The following ZNF536 variants were observed in gnomAD, a reference collection of about 807,000 sequenced individuals.
ZNF536 encodes the protein zinc finger protein 536.
Under a neutral mutation model 84.5 loss-of-function variants are expected in ZNF536, and 13 were observed. The ratio of observed to expected loss-of-function variants is 0.15; its 90% CI spans 0.10 to 0.24. The LOEUF is 0.24. ZNF536 is among the 10% of genes least tolerant of loss of function. ZNF536 has a pLI of 1.00. For synonymous variants in ZNF536, 811 were observed against 742.5 expected, an observed-to-expected ratio of 1.09 and a Z score of -1.50; for missense variants, 1,536 against 1,747.5, an observed-to-expected ratio of 0.88 and a Z score of 2.16.
chr19:30,306,338 A>G (rs1465524957), intron 2 of ZNF536, among the ~76,000 whole-genome samples: 2 of 151,624 alleles, frequency 1.3e-5, no homozygotes, highest in South Asian at 2.1e-4. Context: ...CTGTCACCCT[A>G]TTTCCTGGCT....
intron 1 of ZNF536, among the ~76,000 whole-genome samples, chr19:30,693,062 G>A (rs1415891327): frequency 6.6e-6 from 1 of 151,844 alleles, no homozygotes; most frequent in African/African-American, 2.4e-5. Flanking sequence ...GTGTGTATAC[G>A]TGTGCAGCGT....
chr19:30,579,220 C>T (rs1051884389), intron 1 of ZNF536, among the ~76,000 whole-genome samples: 3 of 152,174 alleles, frequency 2.0e-5, no homozygotes, highest in Admixed American at 1.3e-4. Flanking sequence ...TGCACCTGAT[C>T]GAATGACTAA....
intron 3 of ZNF536, among the ~76,000 whole-genome samples, chr19:30,545,272 C>G (rs111773277): frequency 0.015 from 2,236 of 152,214 alleles, 54 homozygotes; most frequent in African/African-American, 0.052. Context: ...GCGCCGACCC[C>G]AGACCCAGGG....
At chr19:30,439,593 C>A (rs1189126434) in intron 1 of ZNF536, among the ~76,000 whole-genome samples, 3 of 152,154 alleles carry the variant, frequency 2.0e-5, no homozygotes, top group African/African-American at 4.8e-5. Flanking sequence ...CCCATTGCAG[C>A]GGCCTCGGCT....
At chr19:30,682,776 C>A (rs1272139898) in intron 1 of ZNF536, among the ~76,000 whole-genome samples, 1 of 152,154 alleles carries the variant, frequency 6.6e-6, no homozygotes, top group African/African-American at 2.4e-5. Context: ...CCAGGCAGCA[C>A]CTCTGGCCCC....
intron 4 of ZNF536, among the ~76,000 whole-genome samples, chr19:30,552,993 C>T (rs1265232993): frequency 6.6e-6 from 1 of 152,202 alleles, no homozygotes; most frequent in Non-Finnish European, 1.5e-5. Context: ...TATAGGAAAT[C>T]CCACTCCAAT....
intron 1 of ZNF536, among the ~76,000 whole-genome samples, chr19:30,622,805 T>C (rs1311060919): frequency 2.0e-5 from 3 of 152,054 alleles, no homozygotes; most frequent in Non-Finnish European, 4.4e-5. Flanking sequence ...CCTGACAGAC[T>C]CACCACCTGC....
Position 30,547,931 on chromosome 19 carries a change from A to G in ZNF536, c.2324-12A>G. ...AAACGCCTCTTTTTTTTCTTATATC[A>G]AAATCTTGCAGGTGAGAAACCCTAC... is the stretch of plus-strand genomic sequence containing the variant. On this transcript the variant is annotated splice_polypyrimidine_tract_variant and intron_variant, in intron 3 of 4. Transcript: ENST00000355537. The G allele has an allele frequency of 6.6e-7, 1 of 1,516,432 alleles. No homozygotes were observed. The highest frequency in any genetic ancestry group is 8.8e-7 in the Non-Finnish European group (1 of 1,133,954). The allele number at this position is 1,516,432 out of a possible 1,614,324, so 93.9% of individuals were successfully genotyped here. A position where few individuals can be genotyped will look rare whatever the true frequency, so the allele number is the denominator to read the frequency against.
intron 1 of ZNF536, among the ~76,000 whole-genome samples, chr19:30,374,922 G>A (rs2048753256): frequency 6.6e-6 from 1 of 151,826 alleles, no homozygotes; most frequent in Admixed American, 6.6e-5. Flanking sequence ...TTCACGAGCA[G>A]GCAGCCCTGG....
chr19:30,696,192 G>A (rs1484078668), intron 1 of ZNF536, among the ~76,000 whole-genome samples: 1 of 152,088 alleles, frequency 6.6e-6, no homozygotes, highest in Non-Finnish European at 1.5e-5. Context: ...AATTACCTTT[G>A]AAGCCGGTTT....
intron 1 of ZNF536, among the ~76,000 whole-genome samples, chr19:30,650,484 A>C (rs1600148990): frequency 6.6e-6 from 1 of 152,330 alleles, no homozygotes; most frequent in Non-Finnish European, 1.5e-5. Context: ...TTGTTTTCAC[A>C]GTTTGAGTTT....
chr19:30,545,951 A>G (rs1243617461), intron 3 of ZNF536, among the ~76,000 whole-genome samples: 2 of 152,110 alleles, frequency 1.3e-5, no homozygotes, highest in Non-Finnish European at 2.9e-5. Flanking sequence ...TGCGGGCCTC[A>G]CCTCTGCAGG....
intron 1 of ZNF536, among the ~76,000 whole-genome samples, chr19:30,404,494 C>T (rs914485598): frequency 2.6e-5 from 4 of 152,178 alleles, no homozygotes; most frequent in African/African-American, 9.7e-5. Context: ...AGTTATTTAA[C>T]CTCTCTGTGC....
chr19:30,674,168 G>A (rs1482358736), intron 1 of ZNF536, among the ~76,000 whole-genome samples: 2 of 152,210 alleles, frequency 1.3e-5, no homozygotes, highest in African/African-American at 4.8e-5. Context: ...GAGCAGGTTG[G>A]CGGGGTGACA....
At chr19:30,513,835 T>G (rs2055520362) in intron 2 of ZNF536, among the ~76,000 whole-genome samples, 1 of 152,200 alleles carries the variant, frequency 6.6e-6, no homozygotes, top group Non-Finnish European at 1.5e-5. Context: ...GTGTGAATGC[T>G]AGAACATTCT....
intron 1 of ZNF536, among the ~76,000 whole-genome samples, chr19:30,241,454 C>T (rs867717804): frequency 4.6e-5 from 7 of 152,282 alleles, no homozygotes; most frequent in South Asian, 2.1e-4. Context: ...TCACACCAGT[C>T]GGGCAGGAAG....
intron 2 of ZNF536, among the ~76,000 whole-genome samples, chr19:30,526,749 C>T (rs1366159104): frequency 1.4e-5 from 2 of 144,566 alleles, no homozygotes; most frequent in African/African-American, 2.6e-5. Flanking sequence ...AAAAAAAGAA[C>T]GGGTTCAGGG....
Position 30,283,646 on chromosome 19 carries a change from C to T in ZNF536, c.-189-426C>T, listed in dbSNP as rs142308911. ...AATTTTGGTCTACTGTAGAGGGCTC[C>T]ATAAATCAATCAGGGAAAAAGCAAG... On this transcript the variant is annotated intron_variant, in intron 1 of 5. Coordinates refer to the ZNF536 transcript ENST00000585628. Among the ~76,000 whole-genome samples, 67 of 152,070 alleles carry T rather than the reference C, an allele frequency of 4.4e-4. No homozygotes were observed. In the East Asian group the frequency reaches 0.013, roughly 29 times the overall value.
At chr19:30,555,285 G>A (rs1599788750) in intron 4 of ZNF536, 1 of 152,178 alleles carries the variant, frequency 6.6e-6, no homozygotes, top group Non-Finnish European at 1.5e-5. Flanking sequence ...TTTGCATGAC[G>A]TCGTGGAGCT....
Sources: allele counts gnomAD v4.1 joint callset (sites outside exome capture counted in the v4.1 genomes callset), GRCh38; gene constraint gnomAD v4.1.1; transcripts MANE v1.5; gene names NCBI Gene and HGNC (gene_info 2026-07-23, HGNC 2026-07-21).